WDFY3: variants seen among roughly 807,000 people sequenced by gnomAD.
WDFY3 encodes the protein WD repeat and FYVE domain-containing protein 3.
WDFY3 carries 66 observed loss-of-function variants against 409.6 expected under a neutral mutation model. The observed-to-expected ratio is 0.16, with a 90% CI of 0.13 to 0.20. The LOEUF is 0.20. Among genes scored for constraint, WDFY3 ranks in the 10% least tolerant of loss-of-function variants. The pLI, the probability that WDFY3 is intolerant of heterozygous loss-of-function variation, is 1.00. For synonymous variants in WDFY3, 1,521 were observed against 1,537.1 expected (o/e 0.99, Z 0.25); for missense variants, 3,031 against 4,298.1 (o/e 0.71, Z 8.24).
At chr4:84,836,233 T>A (rs190066654) in intron 7 of WDFY3, among the ~76,000 whole-genome samples, 13 of 152,320 alleles carry the variant, frequency 8.5e-5, no homozygotes, top group African/African-American at 3.1e-4. Context: ...TTTAGATATA[T>A]CATATAAGTG....
Position 84,696,093 on chromosome 4 carries a change from T to G in WDFY3, c.8778A>C (p.Glu2926Asp), listed in dbSNP as rs1730093530. The G allele has an allele frequency of 6.2e-7, 1 of 1,614,052 alleles. No homozygotes were observed. Residue 2926 changes from glutamate to aspartate, a missense_variant, in exon 58 of 68, where the codon GAA becomes GAC. Transcript: ENST00000295888. ...AAAGATGATGGAAGACATTTACAGC[T>G]TCTACTGCAGCAGGGCCTTGCTGTT... ...GYKQQGPAAV[E>D]AVNVFHHLFY...
rs535813997 is a variant in WDFY3 at position 84,732,239 on chromosome 4, C to T, written c.7221+1143G>A. Among the ~76,000 whole-genome samples the T allele has an allele frequency of 1.1e-4, 17 of 152,146 alleles. No homozygotes were observed. The South Asian group carries it at 1.7e-3, about 15-fold the overall frequency. On this transcript the variant is annotated intron_variant, in intron 44 of 67. Coordinates refer to ENST00000295888, the MANE Select transcript of WDFY3 (RefSeq NM_014991.6). ...AACTATCAGCAGGAGCTAAGACCTA[C>T]GCATATTATTATTTTAAAAATGTTA...
chr4:84,871,199 A>G (rs530333332), intron 3 of WDFY3, among the ~76,000 whole-genome samples: 12 of 152,294 alleles, frequency 7.9e-5, no homozygotes, highest in African/African-American at 2.6e-4. Context: ...AATCAAACAT[A>G]AAGAGAAAAT....
chr4:84,675,123 T>C lies in WDFY3; in HGVS notation c.10457+2076A>G, dbSNP rs551544599. Among the ~76,000 whole-genome samples the C allele has an allele frequency of 3.0e-3, 463 of 151,972 alleles. 3 individuals carry two copies. The highest frequency in any genetic ancestry group is 0.011 in the African/African-American group (445 of 41,498). On this transcript the variant is annotated intron_variant, in intron 67 of 67. Coordinates refer to ENST00000295888, the MANE Select transcript of WDFY3 (RefSeq NM_014991.6). ...GTAGCTCACCACCACACCTGGCTAA[T>C]TTTTGTATTTTTAGTACAGACAGGG...
intron 51 of WDFY3, among the ~76,000 whole-genome samples, chr4:84,712,697 A>G (rs1356394170): frequency 6.6e-6 from 1 of 152,204 alleles, no homozygotes; most frequent in African/African-American, 2.4e-5. Flanking sequence ...CCTGGGTGAC[A>G]GAGCGAGACT....
At chr4:84,681,565 T>C (rs145597030) in intron 64 of WDFY3, among the ~76,000 whole-genome samples, 25 of 152,352 alleles carry the variant, frequency 1.6e-4, no homozygotes, top group Non-Finnish European at 2.9e-4. Context: ...GAGAAGTGAC[T>C]TGTGTCCTTT....
At chr4:84,937,492 T>G (rs555297623) in intron 1 of WDFY3, among the ~76,000 whole-genome samples, 1 of 152,292 alleles carries the variant, frequency 6.6e-6, no homozygotes, top group Admixed American at 6.5e-5. Flanking sequence ...CTTGCATAGT[T>G]ACTATTTTGG....
chr4:84,805,215 T>C (rs1054634292), intron 15 of WDFY3, among the ~76,000 whole-genome samples: 4 of 152,158 alleles, frequency 2.6e-5, no homozygotes, highest in African/African-American at 9.6e-5. Context: ...TATCTCATTA[T>C]ATATATTGCA....
intron 66 of WDFY3, among the ~76,000 whole-genome samples, chr4:84,677,788 C>A (rs1726562105): frequency 6.6e-6 from 1 of 151,588 alleles, no homozygotes; most frequent in South Asian, 2.1e-4. Context: ...CACGGTAAAA[C>A]CCCGTCTCTA....
rs1772131743 is a variant in WDFY3, at chr4:84,941,576, G to A, written c.-225-9213C>T. The stretch of plus-strand genomic sequence containing the variant: ...GATACTCTATGTTCATGGATTTGGA[G>A]GCAATATATTCAAGGAATCAGTTCT... On this transcript the variant is annotated intron_variant, in intron 1 of 67. Coordinates refer to ENST00000295888, the MANE Select transcript of WDFY3 (RefSeq NM_014991.6). Among the ~76,000 whole-genome samples, 5 of 152,096 alleles carry A rather than the reference G, an allele frequency of 3.3e-5. No homozygotes were observed. In the South Asian group the frequency reaches 1.0e-3, roughly 32 times the overall value.
At chr4:84,859,328 AGTGT>A (rs1215181758) in intron 4 of WDFY3, among the ~76,000 whole-genome samples, 1 of 152,108 alleles carries the variant, frequency 6.6e-6, no homozygotes, top group Non-Finnish European at 1.5e-5. Context: ...TGTATGAATG[AGTGT>A]ATGTATGTAT....
Position 84,740,345 on chromosome 4 carries a change from C to A in WDFY3, c.6306G>T (p.Gln2102His). 1 of 1,614,064 alleles carries A rather than the reference C, an allele frequency of 6.2e-7. No homozygotes were observed. The highest frequency in any genetic ancestry group is 1.1e-5 in the South Asian group (1 of 91,082). ...GAACGGTTTTGTGTGCCCGTGAGAA[C>A]TGGTACAAGATGGTCCTATTGAGGC... ...YHCLNRTILY[Q>H]FSRAHKTVPQ... The change falls in exon 39 of 68, where the codon CAG (glutamine) becomes CAT (histidine). Residue 2102 changes from glutamine to histidine, a missense_variant. Physicochemically the swap from Gln to His is conservative, Grantham distance 24 (BLOSUM62 0). Coordinates refer to ENST00000295888, the MANE Select transcript of WDFY3 (RefSeq NM_014991.6).
chr4:84,921,529 T>C (rs1198089862), intron 2 of WDFY3, among the ~76,000 whole-genome samples: 2 of 151,932 alleles, frequency 1.3e-5, no homozygotes, highest in African/African-American at 4.8e-5. Context: ...AGTATTTTTA[T>C]ATGTCTTTAT....
intron 56 of WDFY3, among the ~76,000 whole-genome samples, chr4:84,700,880 C>T (rs867746350): frequency 2.8e-4 from 43 of 152,144 alleles, no homozygotes; most frequent in African/African-American, 7.5e-4. Context: ...TTGGCTGAGA[C>T]GGGCAGATGA....
rs1578583628 is a variant in WDFY3 at position 84,801,722 on chromosome 4, T to G, written c.2750A>C (p.His917Pro). ...RCSAALADED[H>P]SLHPPLQRMF... ...CCGCTGCAGGGGCGGGTGCAGTGAGTGGTCCTCATCAGCCAATGCAGCACT... is the reference window on the plus strand; with the variant it reads ...CCGCTGCAGGGGCGGGTGCAGTGAGGGGTCCTCATCAGCCAATGCAGCACT... The change falls in exon 17 of 68, where the codon CAC becomes CCC. Residue 917 changes from histidine to proline, a missense_variant. His to Pro is a moderately conservative substitution (Grantham distance 77). Around this residue, in one of 16 missense-constraint regions of WDFY3, gnomAD observed 1,322 missense variants for 1,697.9 expected, o/e 0.78. Transcript: ENST00000295888. 1 of 1,612,534 alleles carries G rather than the reference T, an allele frequency of 6.2e-7. No homozygotes were observed. The highest frequency in any genetic ancestry group is 8.5e-7 in the Non-Finnish European group (1 of 1,179,818).
intron 4 of WDFY3, among the ~76,000 whole-genome samples, chr4:84,855,418 T>C (rs765653734): frequency 1.3e-5 from 2 of 152,230 alleles, no homozygotes; most frequent in Non-Finnish European, 2.9e-5. Flanking sequence ...TCATTTTTAA[T>C]ATCCACCTAA....
chr4:84,857,199 T>C (rs895155887), intron 4 of WDFY3, among the ~76,000 whole-genome samples: 11 of 152,150 alleles, frequency 7.2e-5, no homozygotes, highest in African/African-American at 2.4e-4. Context: ...TTGAGAGAAT[T>C]TGTTAATAGT....
At chr4:84,737,092 T>G (rs896994628) in intron 41 of WDFY3, 92 bp downstream of exon 41, 1 of 1,368,992 alleles carries the variant, frequency 7.3e-7, no homozygotes, top group Non-Finnish European at 1.0e-6. Context: ...TATAGAATCC[T>G]TTTGTGAATG....
chr4:84,943,906 G>T (rs1016404473), intron 1 of WDFY3, among the ~76,000 whole-genome samples: 3 of 152,186 alleles, frequency 2.0e-5, no homozygotes, highest in African/African-American at 7.2e-5. Context: ...GCAAGGAAGA[G>T]TAACTGTTGA....
Sources: gnomAD v4.1 joint callset for allele counts (sites outside exome capture counted in the v4.1 genomes callset) on GRCh38, gnomAD v4.1.1 for gene constraint, gnomAD v4.1.1 regional missense constraint, MANE v1.5 for transcripts, NCBI Gene and HGNC (gene_info 2026-07-23, HGNC 2026-07-21) for gene names.